The following FMN2 variants were observed in gnomAD, a reference collection of about 807,000 sequenced individuals.
FMN2 encodes the protein formin 2.
FMN2 carries 51 observed loss-of-function variants against 142.3 expected under a neutral mutation model. The observed-to-expected ratio is 0.36, with a 90% confidence interval of 0.29 to 0.45. The LOEUF (loss-of-function observed/expected upper bound fraction) is 0.45. FMN2 is among the 20% of genes least tolerant of loss of function. The pLI is 1.00. For synonymous variants in FMN2, 882 were observed against 869.8 expected, an observed-to-expected ratio of 1.01 and a Z score of -0.25; for missense variants, 1,936 against 2,122.8, an observed-to-expected ratio of 0.91 and a Z score of 1.73.
intron 7 of FMN2, chr1:240,285,238 G>A (rs1468619351): frequency 4.4e-6 from 2 of 455,452 alleles, no homozygotes; most frequent in Non-Finnish European, 8.8e-6. Flanking sequence ...GGAATGTGAA[G>A]CCAACACGAT....
chr1:240,301,718 G>T (rs1214659364), intron 8 of FMN2, among the ~76,000 whole-genome samples: 1 of 151,832 alleles, frequency 6.6e-6, no homozygotes, highest in South Asian at 2.1e-4. Context: ...TGTCTCTGAT[G>T]ATAAGTCTGC....
chr1:240,190,718 G>A (rs1360559235), intron 4 of FMN2, among the ~76,000 whole-genome samples: 1 of 152,090 alleles, frequency 6.6e-6, no homozygotes. Flanking sequence ...ATCACCCGAT[G>A]CCAAAATCGT....
intron 8 of FMN2, among the ~76,000 whole-genome samples, chr1:240,308,802 G>A (rs542535748): frequency 1.2e-3 from 182 of 152,298 alleles, no homozygotes; most frequent in Non-Finnish European, 2.3e-3. Context: ...ATTTGCCAGC[G>A]GGCTGGGTAT....
chr1:240,361,468 A>C (rs1672479598), intron 14 of FMN2, among the ~76,000 whole-genome samples: 1 of 152,098 alleles, frequency 6.6e-6, no homozygotes, highest in South Asian at 2.1e-4. Context: ...CCTTGGACTA[A>C]GGAAGTGGGG....
intron 2 of FMN2, chr1:240,142,983 A>G: frequency 1.9e-6 from 3 of 1,577,752 alleles, no homozygotes; most frequent in Non-Finnish European, 2.6e-6. Context: ...TCGAACATCC[A>G]GGAAAGAGAG....
At chr1:240,097,597 C>T (rs886399088) in intron 1 of FMN2, among the ~76,000 whole-genome samples, 3 of 152,066 alleles carry the variant, frequency 2.0e-5, no homozygotes, top group Non-Finnish European at 2.9e-5. Context: ...CCTCGTGATC[C>T]GCCCGCCTCG....
At chr1:240,234,212 A>G (rs867663179) in intron 6 of FMN2, among the ~76,000 whole-genome samples, 1 of 152,146 alleles carries the variant, frequency 6.6e-6, no homozygotes, top group Non-Finnish European at 1.5e-5. Context: ...AAAAATTCGA[A>G]GAAATTATTG....
At chr1:240,420,524 G>A (rs574899963) in intron 15 of FMN2, among the ~76,000 whole-genome samples, 9 of 152,134 alleles carry the variant, frequency 5.9e-5, no homozygotes, top group Non-Finnish European at 1.3e-4. Context: ...TTGTCCTATT[G>A]TCCTGCAGCC....
At chr1:240,165,773 T>C (rs913598967) in intron 2 of FMN2, among the ~76,000 whole-genome samples, 19 of 152,284 alleles carry the variant, frequency 1.2e-4, no homozygotes, top group Admixed American at 6.5e-4. Flanking sequence ...ATTTAGATGC[T>C]TTGAAGTTGA....
At chr1:240,290,063 G>T (rs981176576) in intron 7 of FMN2, among the ~76,000 whole-genome samples, 2 of 152,168 alleles carry the variant, frequency 1.3e-5, no homozygotes, top group South Asian at 4.1e-4. Context: ...ACCTGCCTGC[G>T]CACAGTCAAG....
intron 1 of FMN2, among the ~76,000 whole-genome samples, chr1:240,104,186 G>T (rs2103182198): frequency 6.7e-6 from 1 of 149,816 alleles, no homozygotes; most frequent in Non-Finnish European, 1.5e-5. Context: ...CCGACATTAT[G>T]TTATATAGCA....
intron 2 of FMN2, among the ~76,000 whole-genome samples, chr1:240,153,385 GTTTTT>G (rs58725251): frequency 3.2e-5 from 4 of 124,322 alleles, no homozygotes; most frequent in African/African-American, 6.1e-5. Flanking sequence ...TGTATTTACA[GTTTTT>G]TTTTTTTTTT....
At chr1:240,333,760 A>C in intron 11 of FMN2, 127 bp from the exon 12 acceptor site, 2 of 723,380 alleles carry the variant, frequency 2.8e-6, no homozygotes. Context: ...TCCAAAATGT[A>C]AAATTTCACA....
intron 6 of FMN2, among the ~76,000 whole-genome samples, chr1:240,216,550 G>T (rs1666903589): frequency 6.6e-6 from 1 of 151,974 alleles, no homozygotes; most frequent in African/African-American, 2.4e-5. Flanking sequence ...CTGGAAATCT[G>T]ATCAGAAAAA....
intron 8 of FMN2, among the ~76,000 whole-genome samples, chr1:240,296,819 T>C (rs989175343): frequency 6.6e-6 from 1 of 152,200 alleles, no homozygotes; most frequent in African/African-American, 2.4e-5. Flanking sequence ...GCATAAGCAT[T>C]CAGTGAAACT....
intron 15 of FMN2, among the ~76,000 whole-genome samples, chr1:240,414,221 A>G (rs1404438936): frequency 1.3e-5 from 2 of 152,108 alleles, no homozygotes; most frequent in Non-Finnish European, 2.9e-5. Context: ...TGCCTTTTGT[A>G]TCTATATCTA....
intron 3 of FMN2, among the ~76,000 whole-genome samples, chr1:240,183,220 T>G (rs1353625966): frequency 6.6e-6 from 1 of 151,706 alleles, no homozygotes; most frequent in Non-Finnish European, 1.5e-5. Flanking sequence ...CCTGGTCCAT[T>G]TCTGTGTTTT....
rs542680747 is a variant in FMN2, at chr1:240,099,315, G to GT, written c.1615+5600dup. Among the ~76,000 whole-genome samples the GT allele has an allele frequency of 5.2e-3, 759 of 145,822 alleles. 2 individuals are homozygous for GT. The highest frequency in any genetic ancestry group is 9.0e-3 in the Non-Finnish European group (593 of 65,742). On this transcript the variant is annotated intron_variant, in intron 1 of 17. Coordinates refer to ENST00000319653, the MANE Select transcript of FMN2 (RefSeq NM_020066.5). ...TTGAGCCCCAGTTTTGTTTTGTTTT[G>GT]TTTTTTTTTGCAAATTGTTTATGTA...
intron 1 of FMN2, 77 bp from the exon 2 acceptor site, chr1:240,123,102 C>G: frequency 6.5e-7 from 1 of 1,527,244 alleles, no homozygotes; most frequent in Non-Finnish European, 8.9e-7. Flanking sequence ...CAGTGTTTAC[C>G]CAGCCGCTGT....
Sources: gnomAD v4.1 joint callset for allele counts (sites outside exome capture counted in the v4.1 genomes callset) on GRCh38, gnomAD v4.1.1 for gene constraint, MANE v1.5 for transcripts, NCBI Gene and HGNC (gene_info 2026-07-23, HGNC 2026-07-21) for gene names.